The following SNX16 variants were observed in gnomAD, a reference collection of about 807,000 sequenced individuals.
SNX16 encodes the protein sorting nexin-16.
SNX16 carries 35 observed loss-of-function variants against 36.7 expected under a neutral mutation model. The ratio of observed to expected loss-of-function variants is 0.95; its 90% CI spans 0.73 to 1.27. The LOEUF is 1.27. SNX16 is among the 50% of genes most tolerant of loss of function. The probability of loss-of-function intolerance (pLI) is 0.00; values close to 1 mark genes in which losing one functional copy is unlikely to be tolerated. For missense variants in SNX16, 367 were observed against 393.6 expected, an observed-to-expected ratio of 0.93 and a Z score of 0.57; for synonymous variants, 134 against 132.0, an observed-to-expected ratio of 1.02 and a Z score of -0.10.
chr8:81,822,369 T>A (rs1810786009), intron 4 of SNX16, among the ~76,000 whole-genome samples: 1 of 151,912 alleles, frequency 6.6e-6, no homozygotes, highest in Non-Finnish European at 1.5e-5. Flanking sequence ...AAGACCAATA[T>A]GGCAAATGTA....
intron 5 of SNX16, among the ~76,000 whole-genome samples, chr8:81,808,881 C>T (rs1418395252): frequency 4.6e-5 from 7 of 151,914 alleles, no homozygotes; most frequent in Admixed American, 1.3e-4. Context: ...TACTCATGTG[C>T]ATAGGCAAAA....
At chr8:81,828,210 T>C (rs1412622254) in intron 3 of SNX16, among the ~76,000 whole-genome samples, 1 of 152,210 alleles carries the variant, frequency 6.6e-6, no homozygotes, top group Non-Finnish European at 1.5e-5. Flanking sequence ...CCCATGTTTA[T>C]GACTACTTAT....
At position 81,829,530 on chromosome 8, in the gene SNX16, GA is replaced by G. The variant is rs759585154; in HGVS notation, c.376-15del. 10 of 1,153,094 alleles carry G rather than the reference GA, an allele frequency of 8.7e-6. No homozygotes were observed. The highest frequency in any genetic ancestry group is 4.1e-5 in the South Asian group (2 of 48,194). The allele number at this position is 1,153,094 out of a possible 1,614,324, so 71.4% of individuals were successfully genotyped here. On this transcript the variant is annotated splice_polypyrimidine_tract_variant and intron_variant, in intron 2 of 7. Coordinates refer to ENST00000345957, the MANE Select transcript of SNX16 (RefSeq NM_152836.3). ...TATTTTATATACCTATGCACAGGAAGAAAAACAGACGGAGAGAAAAATATAA... is the reference window on the plus strand; with the variant it reads ...TATTTTATATACCTATGCACAGGAAGAAAACAGACGGAGAGAAAAATATAA...
intron 1 of SNX16, among the ~76,000 whole-genome samples, chr8:81,841,085 A>C (rs1271205069): frequency 1.3e-5 from 2 of 152,250 alleles, no homozygotes; most frequent in African/African-American, 4.8e-5. Context: ...TCACGCCTGT[A>C]ATCCCAGCAC....
At chr8:81,818,437 T>G (rs983155809) in intron 4 of SNX16, among the ~76,000 whole-genome samples, 1 of 152,134 alleles carries the variant, frequency 6.6e-6, no homozygotes, top group Non-Finnish European at 1.5e-5. Flanking sequence ...TAAGTATTCT[T>G]GTTCAAGTAG....
At chr8:81,805,743 C>A (rs1312594780) in intron 5 of SNX16, among the ~76,000 whole-genome samples, 1 of 152,080 alleles carries the variant, frequency 6.6e-6, no homozygotes, top group Non-Finnish European at 1.5e-5. Context: ...CACAGTGAAA[C>A]CCCGTCTCTA....
intron 3 of SNX16, among the ~76,000 whole-genome samples, chr8:81,827,767 T>C (rs1253478327): frequency 1.3e-5 from 2 of 152,056 alleles, no homozygotes; most frequent in African/African-American, 4.8e-5. Context: ...ACTATAAAAA[T>C]ATACTAACTT....
intron 4 of SNX16, 38 bp from the exon 5 acceptor site, chr8:81,815,432 T>C (rs746626828): frequency 6.3e-7 from 1 of 1,586,742 alleles, no homozygotes; most frequent in South Asian, 1.1e-5. Flanking sequence ...GAAGTACAAA[T>C]AAGTTTGCAA....
At chr8:81,822,947 C>CGT (rs1290245924) in intron 4 of SNX16, among the ~76,000 whole-genome samples, 4 of 52,316 alleles carry the variant, frequency 7.6e-5, no homozygotes, top group African/African-American at 2.3e-4. Context: ...TATACATATA[C>CGT]ATATATATAT....
At chr8:81,828,274 G>C (rs905023606) in intron 3 of SNX16, among the ~76,000 whole-genome samples, 7 of 151,854 alleles carry the variant, frequency 4.6e-5, no homozygotes, top group African/African-American at 1.5e-4. Context: ...AAAACTTTTG[G>C]GTATCCCCTA....
chr8:81,820,957 C>T (rs1205690033), intron 4 of SNX16, among the ~76,000 whole-genome samples: 1 of 151,264 alleles, frequency 6.6e-6, no homozygotes, highest in Admixed American at 6.6e-5. Context: ...AAGTCTCTTA[C>T]ATTGTGAAAC....
intron 4 of SNX16, among the ~76,000 whole-genome samples, chr8:81,821,226 T>A (rs1283497893): frequency 6.6e-6 from 1 of 151,764 alleles, no homozygotes; most frequent in Non-Finnish European, 1.5e-5. Flanking sequence ...CTAAAATGCC[T>A]ATTTATGAAT....
chr8:81,840,203 A>G (rs937072821), intron 1 of SNX16, 121 bp from the exon 2 acceptor site: 66 of 475,512 alleles, frequency 1.4e-4, no homozygotes, highest in Non-Finnish European at 2.2e-4. Context: ...CATACCTCAA[A>G]CCCCTTCTCC....
At chr8:81,821,996 T>C (rs998799771) in intron 4 of SNX16, among the ~76,000 whole-genome samples, 1 of 152,194 alleles carries the variant, frequency 6.6e-6, no homozygotes, top group African/African-American at 2.4e-5. Flanking sequence ...ATTTAAGTGA[T>C]TGTCTCAATT....
intron 2 of SNX16, among the ~76,000 whole-genome samples, chr8:81,838,153 T>C (rs1203001634): frequency 6.6e-6 from 1 of 151,974 alleles, no homozygotes; most frequent in Non-Finnish European, 1.5e-5. Context: ...TCAAACAACA[T>C]CCATATCCTG....
intron 6 of SNX16, among the ~76,000 whole-genome samples, chr8:81,802,882 A>AT (rs1225888555): frequency 6.6e-6 from 1 of 151,804 alleles, no homozygotes; most frequent in Non-Finnish European, 1.5e-5. Context: ...TTAGTGGCTT[A>AT]TTTTCCTGAT....
chr8:81,832,214 C>T (rs1416342812), intron 2 of SNX16, among the ~76,000 whole-genome samples: 1 of 152,110 alleles, frequency 6.6e-6, no homozygotes, highest in East Asian at 1.9e-4. Context: ...ACAGATACAC[C>T]ATGGAATACT....
chr8:81,808,093 T>A (rs926618146), intron 5 of SNX16: 7 of 1,190,268 alleles, frequency 5.9e-6, no homozygotes, highest in African/African-American at 1.5e-5. Context: ...GAAAAAGATA[T>A]TTATTGGTGG....
At position 81,823,404 on chromosome 8, in the gene SNX16, A is replaced by G. The variant is rs139972655; in HGVS notation, c.611+388T>C. ...TTCACAATTTTAATATTTTTGCATT[A>G]CTTTGGAGAAATATAAAGAATATTA... On this transcript the variant is annotated intron_variant, in intron 4 of 7. Transcript: ENST00000345957. Among the ~76,000 whole-genome samples the G allele has an allele frequency of 2.2e-3, 334 of 152,168 alleles. 1 individual carries two copies. The highest frequency in any genetic ancestry group is 7.7e-3 in the African/African-American group (318 of 41,546).
Sources: allele counts gnomAD v4.1 joint callset (sites outside exome capture counted in the v4.1 genomes callset), GRCh38; gene constraint gnomAD v4.1.1; transcripts MANE v1.5; gene names NCBI Gene and HGNC (gene_info 2026-07-23, HGNC 2026-07-21).